Variants in MAP3K5 observed in about 807,000 individuals in gnomAD.
MAP3K5 encodes the protein mitogen-activated protein kinase kinase kinase 5.
In MAP3K5, 56 loss-of-function variants were observed where a neutral mutation model predicts 158.7. The ratio of observed to expected loss-of-function variants is 0.35; its 90% CI spans 0.28 to 0.44. The LOEUF is 0.44. MAP3K5 is among the 20% of genes least tolerant of loss of function. The pLI is 1.00. For synonymous variants in MAP3K5, 579 were observed against 601.7 expected (o/e 0.96, Z 0.55); for missense variants, 1,294 against 1,674.8 (o/e 0.77, Z 3.97).
intron 1 of MAP3K5, among the ~76,000 whole-genome samples, chr6:136,768,661 C>A (rs986954850): frequency 6.6e-6 from 1 of 152,152 alleles, no homozygotes; most frequent in Admixed American, 6.5e-5. Context: ...CGCCTGTAAT[C>A]CCAGCACTTT....
chr6:136,711,236 T>G (rs191846021), intron 2 of MAP3K5, among the ~76,000 whole-genome samples: 1 of 151,796 alleles, frequency 6.6e-6, no homozygotes, highest in African/African-American at 2.4e-5. Context: ...GCAGAACATA[T>G]GAAATCTGTG....
intron 25 of MAP3K5, among the ~76,000 whole-genome samples, chr6:136,578,590 G>A (rs1209777505): frequency 6.6e-6 from 1 of 152,058 alleles, no homozygotes; most frequent in Non-Finnish European, 1.5e-5. Flanking sequence ...CCAGACTCTC[G>A]GTGGCCTGAA....
At chr6:136,605,852 T>A (rs573699120) in intron 18 of MAP3K5, among the ~76,000 whole-genome samples, 3 of 152,362 alleles carry the variant, frequency 2.0e-5, no homozygotes, top group African/African-American at 7.2e-5. Context: ...TCTTCTGTTT[T>A]CATTCTTATT....
intron 10 of MAP3K5, 40 bp from the exon 11 acceptor site, chr6:136,651,131 A>G (rs1453740820): frequency 1.8e-6 from 2 of 1,105,838 alleles, no homozygotes; most frequent in African/African-American, 3.1e-5. Flanking sequence ...TCAGTGACTT[A>G]AGACTGAAAC....
At chr6:136,561,458 G>A (rs1830509277) in intron 28 of MAP3K5, 75 bp downstream of exon 28, 1 of 1,074,580 alleles carries the variant, frequency 9.3e-7, no homozygotes, top group African/African-American at 1.5e-5. Flanking sequence ...TATCCCCTGT[G>A]CCTGTCACAT....
At chr6:136,728,930 G>C (rs557948875) in intron 1 of MAP3K5, among the ~76,000 whole-genome samples, 1 of 151,722 alleles carries the variant, frequency 6.6e-6, no homozygotes, top group African/African-American at 2.4e-5. Context: ...GGGAAGAGAG[G>C]AAAAGGGAGA....
chr6:136,761,959 T>C (rs1450068612), intron 1 of MAP3K5, among the ~76,000 whole-genome samples: 1 of 152,158 alleles, frequency 6.6e-6, no homozygotes, highest in African/African-American at 2.4e-5. Flanking sequence ...GGCATTCTCC[T>C]AACCAGACAG....
Position 136,659,269 on chromosome 6 carries a change from CAT to C in MAP3K5, c.1474_1475del (p.Met492GlufsTer7), listed in dbSNP as rs1562588067. ...LGASVLANDH[M>X]RVIQASEKLF... ...GCTTTTCAGATGCTTGAATGACTCTCATGTGGTCATTGGCTAGGACGCTGGCC... is the reference window on the plus strand; with the variant it reads ...GCTTTTCAGATGCTTGAATGACTCTCGTGGTCATTGGCTAGGACGCTGGCC... On this transcript the variant is annotated frameshift_variant, in exon 9 of 30. Coordinates refer to ENST00000359015, the MANE Select transcript of MAP3K5 (RefSeq NM_005923.4). LOFTEE classifies it high-confidence loss of function. 6.2e-7 allele frequency: 1 copy of C among 1,614,098 alleles called. No homozygotes were observed. Among genetic ancestry groups the C allele is most frequent in the Non-Finnish European group, 8.5e-7 (1 of 1,179,976 alleles).
chr6:136,658,806 T>C (rs1778879699), intron 9 of MAP3K5, among the ~76,000 whole-genome samples: 2 of 152,176 alleles, frequency 1.3e-5, no homozygotes, highest in Non-Finnish European at 2.9e-5. Flanking sequence ...AAATCAAGAA[T>C]GAGAATTCCA....
At chr6:136,696,572 C>T (rs1466579578) in intron 5 of MAP3K5, among the ~76,000 whole-genome samples, 1 of 152,052 alleles carries the variant, frequency 6.6e-6, no homozygotes, top group African/African-American at 2.4e-5. Context: ...TTTACACAGA[C>T]CTGAAAGGCT....
chr6:136,680,852 T>C (rs936040279), intron 7 of MAP3K5, among the ~76,000 whole-genome samples: 2 of 151,718 alleles, frequency 1.3e-5, no homozygotes, highest in African/African-American at 4.8e-5. Context: ...GCTGGAAAGA[T>C]GGGAAGAGAT....
At chr6:136,760,133 T>A (rs764816027) in intron 1 of MAP3K5, among the ~76,000 whole-genome samples, 10 of 152,226 alleles carry the variant, frequency 6.6e-5, no homozygotes, top group Non-Finnish European at 1.5e-4. Context: ...TGTCATCTTG[T>A]GGAGAGTGAT....
At chr6:136,698,114 A>G (rs1013926407) in intron 4 of MAP3K5, among the ~76,000 whole-genome samples, 3 of 152,232 alleles carry the variant, frequency 2.0e-5, no homozygotes, top group African/African-American at 7.2e-5. Context: ...ATTAACATAA[A>G]TAATTGTTCT....
intron 5 of MAP3K5, among the ~76,000 whole-genome samples, chr6:136,696,462 A>G (rs866267881): frequency 2.6e-5 from 4 of 152,226 alleles, no homozygotes; most frequent in African/African-American, 9.6e-5. Context: ...TGTTACAAGT[A>G]GCAACACAGT....
chr6:136,771,360 C>T (rs1784192589), intron 1 of MAP3K5, among the ~76,000 whole-genome samples: 1 of 152,106 alleles, frequency 6.6e-6, no homozygotes, highest in African/African-American at 2.4e-5. Context: ...GGGGCTTGGA[C>T]ACCGGACCAG....
rs1273678916 is a variant in MAP3K5, at chr6:136,651,012, G to C, written c.1760C>G (p.Ser587Cys). 2.5e-6 allele frequency: 4 copies of C among 1,611,724 alleles called. No individual in the cohort carries two copies. The highest frequency in any genetic ancestry group is 3.4e-6 in the Non-Finnish European group (4 of 1,178,664). ...INNEVEEKTI[S>C]IWHVLPDDKK... is the part of the protein sequence containing the mutation. ...GTCATCAGGAAGCACGTGCCAAATAGAGATTGTCTTTTCCTCAACTTCATT... is the reference window on the plus strand; with the variant it reads ...GTCATCAGGAAGCACGTGCCAAATACAGATTGTCTTTTCCTCAACTTCATT... The change falls in exon 11 of 30, where the codon TCT (serine) becomes TGT (cysteine). Residue 587 changes from serine (S) to cysteine (C), a missense_variant. By Grantham distance (112) the Ser-to-Cys change is moderately radical. Around this residue, in one of 5 missense-constraint regions of MAP3K5, gnomAD observed 690 missense variants for 870.5 expected, o/e 0.79. Transcript: ENST00000359015.
intron 1 of MAP3K5, among the ~76,000 whole-genome samples, chr6:136,738,347 C>T (rs1244987691): frequency 1.3e-5 from 2 of 152,078 alleles, no homozygotes; most frequent in African/African-American, 4.8e-5. Flanking sequence ...CTTATAGCTG[C>T]GGACCTGCTT....
intron 11 of MAP3K5, among the ~76,000 whole-genome samples, chr6:136,650,612 T>A (rs1269478133): frequency 6.6e-6 from 1 of 152,234 alleles, no homozygotes; most frequent in Admixed American, 6.5e-5. Context: ...AAAAGTGGCA[T>A]CATTCTGACA....
At chr6:136,786,708 A>G (rs1784859586) in intron 1 of MAP3K5, among the ~76,000 whole-genome samples, 1 of 152,212 alleles carries the variant, frequency 6.6e-6, no homozygotes, top group Non-Finnish European at 1.5e-5. Flanking sequence ...AAATCAGTGA[A>G]AACCTTTAAC....
Sources: allele counts gnomAD v4.1 joint callset (sites outside exome capture counted in the v4.1 genomes callset), GRCh38; gene constraint gnomAD v4.1.1; regional missense constraint gnomAD v4.1.1; transcripts MANE v1.5; gene names NCBI Gene and HGNC (gene_info 2026-07-23, HGNC 2026-07-21).